USP45: variants seen among roughly 807,000 people sequenced by gnomAD.
USP45 encodes the protein ubiquitin specific peptidase 45, also known as ubiquitin carboxyl-terminal hydrolase 45.
In USP45, 89 loss-of-function variants were observed where a neutral mutation model predicts 95.8. That is an observed-to-expected ratio of 0.93 (90% CI 0.78 to 1.11). The LOEUF is 1.11. Among genes scored for constraint, USP45 ranks in the 50% least tolerant of loss-of-function variants. The pLI, the probability that USP45 is intolerant of heterozygous loss-of-function variation, is 0.00. For synonymous variants in USP45, 281 were observed against 316.2 expected (o/e 0.89, Z 1.18); for missense variants, 898 against 942.5 (o/e 0.95, Z 0.62).
intron 9 of USP45, among the ~76,000 whole-genome samples, chr6:99,474,909 A>C (rs1482067533): frequency 2.0e-5 from 3 of 152,206 alleles, no homozygotes; most frequent in Admixed American, 6.5e-5. Context: ...AAAGTCAATA[A>C]AGAGCCTATC....
chr6:99,459,840 T>C (rs1024613688), intron 13 of USP45, among the ~76,000 whole-genome samples: 3 of 152,178 alleles, frequency 2.0e-5, no homozygotes, highest in Non-Finnish European at 4.4e-5. Context: ...TTGCCCTGTC[T>C]GCAATGTGGA....
intron 5 of USP45, among the ~76,000 whole-genome samples, chr6:99,496,253 G>T (rs965393133): frequency 9.2e-5 from 14 of 151,854 alleles, no homozygotes; most frequent in African/African-American, 3.4e-4. Flanking sequence ...CAAAGTGCTG[G>T]GATTACAGGC....
chr6:99,495,995 A>G (rs12528927), intron 5 of USP45, among the ~76,000 whole-genome samples: 29,504 of 152,126 alleles, frequency 0.19, 3,041 homozygotes, highest in Middle Eastern at 0.27. Context: ...TAAAAACCCT[A>G]TATGTAAAAA....
At chr6:99,511,471 A>T (rs1219171979) in intron 1 of USP45, among the ~76,000 whole-genome samples, 1 of 151,984 alleles carries the variant, frequency 6.6e-6, no homozygotes, top group Non-Finnish European at 1.5e-5. Flanking sequence ...TTTTTGAGAC[A>T]AAGTCTCACT....
chr6:99,470,398 G>C (rs745484486), intron 9 of USP45, among the ~76,000 whole-genome samples: 5 of 152,066 alleles, frequency 3.3e-5, no homozygotes, highest in Non-Finnish European at 5.9e-5. Context: ...TTGTGAAACC[G>C]AGTTTCACTT....
chr6:99,465,640 T>G (rs1462358602), intron 11 of USP45, among the ~76,000 whole-genome samples: 1 of 152,218 alleles, frequency 6.6e-6, no homozygotes, highest in East Asian at 1.9e-4. Flanking sequence ...TCATGCATTC[T>G]GTGTTTCAAT....
At chr6:99,465,493 A>G (rs1385402356) in intron 11 of USP45, among the ~76,000 whole-genome samples, 2 of 152,180 alleles carry the variant, frequency 1.3e-5, no homozygotes, top group African/African-American at 2.4e-5. Flanking sequence ...GTTAAGAAAA[A>G]GCCATGAAAA....
chr6:99,439,680 T>G, intron 16 of USP45, 89 bp downstream of exon 16: 2 of 952,464 alleles, frequency 2.1e-6, no homozygotes, highest in Non-Finnish European at 2.9e-6. Context: ...GAGAAGTTAT[T>G]TTTTTAGAAA....
chr6:99,489,301 A>G lies in USP45; in HGVS notation c.479-481T>C, dbSNP rs951792015. Among the ~76,000 whole-genome samples the G allele has an allele frequency of 1.0e-3, 155 of 152,348 alleles. 2 individuals are homozygous for G. Among genetic ancestry groups the G allele is most frequent in the African/African-American group, 3.7e-3 (152 of 41,572 alleles). Reference sequence around the variant, plus strand: ...CACAGGGATTTTGACCAGCTCGTTCAATTCAGATAATTTGATCATAAAAAT... The same window carrying G: ...CACAGGGATTTTGACCAGCTCGTTCGATTCAGATAATTTGATCATAAAAAT... On this transcript the variant is annotated intron_variant, in intron 5 of 17. Transcript: ENST00000500704.
At chr6:99,444,428 C>T (rs1349211355) in intron 14 of USP45, among the ~76,000 whole-genome samples, 1 of 152,138 alleles carries the variant, frequency 6.6e-6, no homozygotes, top group African/African-American at 2.4e-5. Flanking sequence ...TGTCTTTATT[C>T]TGATGCTTTG....
rs1350477062 is a variant in USP45, at chr6:99,437,319, G to A, written c.2241C>T (p.Tyr747=). The stretch of plus-strand genomic sequence containing the variant: ...GTGTTCTCACTTTCACATAAGCAGT[G>A]TAGTGGCCTTCTCTCATCGAGCCAC... ...EHSGSMREGH[Y]TAYVKVRTPS... is the part of the protein sequence containing the mutation. Residue 747 remains tyrosine (Y), a synonymous_variant, in exon 17 of 18, where the codon TAC becomes TAT. Transcript: ENST00000500704. 1 of 1,613,890 alleles carries A rather than the reference G, an allele frequency of 6.2e-7. No individual in the cohort carries two copies. Among genetic ancestry groups the A allele is most frequent in the Non-Finnish European group, 8.5e-7 (1 of 1,179,898 alleles).
intron 8 of USP45, among the ~76,000 whole-genome samples, chr6:99,479,163 TAC>T (rs56121215): frequency 0.86 from 124,343 of 144,440 alleles, 52,505 homozygotes; most frequent in East Asian, 0.98. Context: ...TATACATATA[TAC>T]ACACACACAC....
intron 13 of USP45, chr6:99,461,653 A>G: frequency 1.0e-6 from 1 of 983,614 alleles, no homozygotes; most frequent in African/African-American, 1.7e-5. Flanking sequence ...TCTTCATATT[A>G]AGTTTTTGTG....
At chr6:99,460,228 T>A (rs1416861412) in intron 13 of USP45, among the ~76,000 whole-genome samples, 2 of 152,128 alleles carry the variant, frequency 1.3e-5, no homozygotes, top group African/African-American at 4.8e-5. Flanking sequence ...AAACTCAATT[T>A]ACTATCAAAT....
Position 99,437,387 on chromosome 6 carries a change from C to T in USP45, c.2173G>A (p.Gly725Arg), listed in dbSNP as rs1780705166. Reference sequence around the variant, plus strand: ...TAGAGACCGTAGAGAACTTTATCTCCCACACTTGCATTCTTTTAAACAAAG... The same window carrying T: ...TAGAGACCGTAGAGAACTTTATCTCTCACACTTGCATTCTTTTAAACAAAG... ...CSATCKNASVGDKVLYGLYGI... is the reference protein window; with the variant it reads ...CSATCKNASVRDKVLYGLYGI... The change falls in exon 17 of 18, where the codon GGA (glycine) becomes AGA (arginine). Residue 725 changes from glycine (G) to arginine (R), a missense_variant. Transcript: ENST00000500704. 5.0e-6 allele frequency: 8 copies of T among 1,591,842 alleles called. No individual in the cohort carries two copies. Among genetic ancestry groups the T allele is most frequent in the Non-Finnish European group, 6.0e-6 (7 of 1,174,094 alleles).
At chr6:99,511,136 T>A (rs1217781652) in intron 1 of USP45, among the ~76,000 whole-genome samples, 2 of 152,022 alleles carry the variant, frequency 1.3e-5, no homozygotes, top group South Asian at 2.1e-4. Context: ...AAGAACAGTA[T>A]AATGAACACT....
chr6:99,483,161 ACT>A (rs1168969376), intron 7 of USP45, among the ~76,000 whole-genome samples: 1 of 151,964 alleles, frequency 6.6e-6, no homozygotes, highest in African/African-American at 2.4e-5. Flanking sequence ...CCTTTAATGC[ACT>A]CTCCTATAAA....
At chr6:99,482,480 G>A (rs1023073789) in intron 8 of USP45, 9 of 350,094 alleles carry the variant, frequency 2.6e-5, no homozygotes, top group Non-Finnish European at 3.6e-5. Context: ...TCCAAGTCAG[G>A]ACAGATCTCC....
Position 99,491,925 on chromosome 6 carries a change from C to T in USP45, c.479-3105G>A, listed in dbSNP as rs775324232. Among the ~76,000 whole-genome samples the T allele has an allele frequency of 4.6e-4, 70 of 151,260 alleles. 2 individuals carry two copies. The highest frequency in any genetic ancestry group is 1.2e-4 in the Non-Finnish European group (8 of 67,774). On this transcript the variant is annotated intron_variant, in intron 5 of 17. Coordinates refer to ENST00000500704, the MANE Select transcript of USP45 (RefSeq NM_001346022.3). Reference sequence around the variant, plus strand: ...ACTTATGAAATATATATACACGACGCCTATTGGGCCTGTTTTAAAAAACAT... The same window carrying T: ...ACTTATGAAATATATATACACGACGTCTATTGGGCCTGTTTTAAAAAACAT...
Sources: allele counts gnomAD v4.1 joint callset (sites outside exome capture counted in the v4.1 genomes callset), GRCh38; gene constraint gnomAD v4.1.1; transcripts MANE v1.5; gene names NCBI Gene and HGNC (gene_info 2026-07-23, HGNC 2026-07-21).